The following ACACA variants were observed in gnomAD, a reference collection of about 807,000 sequenced individuals.
ACACA encodes acetyl-CoA carboxylase 1.
ACACA carries 103 observed loss-of-function variants against 296.1 expected under a neutral mutation model. The observed-to-expected ratio is 0.35, with a 90% CI of 0.30 to 0.41. The LOEUF (loss-of-function observed/expected upper bound fraction) is 0.41, where lower values mean the gene tolerates loss of function less well. ACACA is among the 10% of genes least tolerant of loss of function. The probability of loss-of-function intolerance (pLI) is 1.00; values close to 1 mark genes in which losing one functional copy is unlikely to be tolerated. For synonymous variants in ACACA, 953 were observed against 1,038.6 expected, an observed-to-expected ratio of 0.92 and a Z score of 1.58; for missense variants, 1,554 against 2,989.7, an observed-to-expected ratio of 0.52 and a Z score of 11.20.
At chr17:37,187,380 C>T (rs544564887) in intron 39 of ACACA, among the ~76,000 whole-genome samples, 17 of 152,166 alleles carry the variant, frequency 1.1e-4, no homozygotes, top group Non-Finnish European at 1.6e-4. Context: ...ACCCAAAGCA[C>T]GGAATAGACT....
At chr17:37,249,352 C>CA (rs1266651988) in intron 16 of ACACA, among the ~76,000 whole-genome samples, 3 of 152,184 alleles carry the variant, frequency 2.0e-5, no homozygotes, top group Admixed American at 1.3e-4. Context: ...ACCCTGCTTT[C>CA]AATTCTTTCA....
chr17:37,184,841 C>T (rs570874268), intron 39 of ACACA, among the ~76,000 whole-genome samples: 17 of 129,320 alleles, frequency 1.3e-4, no homozygotes, highest in East Asian at 1.3e-3. Flanking sequence ...ATAGTGAGAC[C>T]CTGTCTCAAA....
At position 37,327,650 on chromosome 17, in the gene ACACA, A is replaced by G. The variant is rs118147769; in HGVS notation, c.338+2523T>C. ...TTTCTTATAACACATTTATCTCACC[A>G]TAGCCAAACTCAGTTTCCTAATCCA... On this transcript the variant is annotated intron_variant, in intron 3 of 55. Transcript: ENST00000616317. Among the ~76,000 whole-genome samples, 23 of 152,366 alleles carry G rather than the reference A, an allele frequency of 1.5e-4. No homozygotes were observed. In the East Asian group the frequency reaches 4.0e-3, roughly 27 times the overall value.
intron 3 of ACACA, among the ~76,000 whole-genome samples, chr17:37,321,770 T>A (rs961265634): frequency 1.4e-5 from 2 of 147,468 alleles, no homozygotes; most frequent in Admixed American, 6.8e-5. Context: ...AAATAAATAA[T>A]TAAAAAAAAA....
chr17:37,240,412 T>C, intron 24 of ACACA, 64 bp downstream of exon 24: 1 of 1,409,670 alleles, frequency 7.1e-7, no homozygotes. Flanking sequence ...CCTATAGGGA[T>C]AGTTTGGGTT....
intron 1 of ACACA, among the ~76,000 whole-genome samples, chr17:37,398,106 T>C (rs1035422654): frequency 6.6e-6 from 1 of 150,716 alleles, no homozygotes; most frequent in Non-Finnish European, 1.5e-5. Flanking sequence ...GGCGCGCGCC[T>C]GTACTCCCAG....
intron 1 of ACACA, among the ~76,000 whole-genome samples, chr17:37,354,481 A>T (rs563841374): frequency 6.6e-6 from 1 of 152,246 alleles, no homozygotes; most frequent in Admixed American, 6.5e-5. Flanking sequence ...AGCTAAACTC[A>T]TAAGAATTAA....
chr17:37,300,616 T>C (rs761393690), intron 3 of ACACA, among the ~76,000 whole-genome samples: 24 of 152,062 alleles, frequency 1.6e-4, no homozygotes, highest in Non-Finnish European at 2.5e-4. Context: ...ACCTGGAGCA[T>C]AGATAGAAGT....
intron 41 of ACACA, among the ~76,000 whole-genome samples, chr17:37,174,008 ATATATATATATATTTTT>A (rs1393782141): frequency 3.2e-4 from 4 of 12,490 alleles, no homozygotes; most frequent in Non-Finnish European, 5.0e-4. Context: ...ATATATATAT[ATATATATATATATTTTT>A]TTTTTTTTTT....
intron 29 of ACACA, among the ~76,000 whole-genome samples, chr17:37,217,973 A>C (rs2079107091): frequency 6.6e-6 from 1 of 151,988 alleles, no homozygotes; most frequent in Non-Finnish European, 1.5e-5. Flanking sequence ...TATATTGATA[A>C]GTAAAATATG....
rs145857279 is a variant in ACACA at position 37,338,742 on chromosome 17, C to G, written c.85+1062G>C. Among the ~76,000 whole-genome samples the G allele has an allele frequency of 8.1e-3, 1,236 of 152,158 alleles. 13 individuals are homozygous for G. Among genetic ancestry groups the G allele is most frequent in the African/African-American group, 0.028 (1,182 of 41,516 alleles). ...TCACCTGAGATCAGGAGTTCAAGAC[C>G]AGCCTGGCCAACATGGTGAAACCCC... On this transcript the variant is annotated intron_variant, in intron 2 of 55. Transcript: ENST00000616317.
chr17:37,090,018 G>C (rs562609604), intron 54 of ACACA, among the ~76,000 whole-genome samples: 14 of 152,192 alleles, frequency 9.2e-5, no homozygotes, highest in Non-Finnish European at 1.6e-4. Flanking sequence ...CACTAACGAA[G>C]TCAAAGTCAG....
intron 15 of ACACA, 80 bp from the exon 16 acceptor site, chr17:37,252,188 T>C (rs1426164910): frequency 1.7e-6 from 2 of 1,156,796 alleles, no homozygotes; most frequent in South Asian, 1.2e-5. Context: ...AGGCTCAAAT[T>C]TGTTGTGATG....
intron 5 of ACACA, among the ~76,000 whole-genome samples, chr17:37,281,990 A>G (rs1453911069): frequency 6.6e-6 from 1 of 152,210 alleles, no homozygotes; most frequent in Non-Finnish European, 1.5e-5. Flanking sequence ...TGTGGCTCAG[A>G]GATGTGAAAG....
chr17:37,098,778 G>A (rs1006143286), intron 52 of ACACA, among the ~76,000 whole-genome samples: 1 of 152,218 alleles, frequency 6.6e-6, no homozygotes, highest in Non-Finnish European at 1.5e-5. Flanking sequence ...ACTGCGCACG[G>A]TACCCTGACT....
rs140490381 is a variant in ACACA, at chr17:37,379,302, G to A, written c.38+26960C>T. Reference sequence around the variant, plus strand: ...AACCTGAGAATCATTGCTGCTCCCCGCAGAAACAGCTCTGCCTCCTCAAGC... The same window carrying A: ...AACCTGAGAATCATTGCTGCTCCCCACAGAAACAGCTCTGCCTCCTCAAGC... On this transcript the variant is annotated intron_variant, in intron 1 of 55. Transcript: ENST00000616317. 1,883 of 1,613,890 alleles carry A rather than the reference G, an allele frequency of 1.2e-3. 3 individuals are homozygous for A. Among genetic ancestry groups the A allele is most frequent in the Admixed American group, 1.9e-3 (116 of 60,002 alleles).
intron 9 of ACACA, 146 bp from the exon 10 acceptor site, chr17:37,271,007 A>G: frequency 1.5e-6 from 1 of 675,818 alleles, no homozygotes; most frequent in Non-Finnish European, 2.6e-6. Flanking sequence ...ACACTATGAA[A>G]AAATAAATAG....
intron 5 of ACACA, among the ~76,000 whole-genome samples, chr17:37,282,863 G>C (rs146144262): frequency 6.7e-6 from 1 of 148,768 alleles, no homozygotes; most frequent in Admixed American, 6.7e-5. Flanking sequence ...CTCAGGAAGA[G>C]AAAAAAAAAA....
intron 40 of ACACA, 60 bp downstream of exon 40, chr17:37,181,141 G>C: frequency 6.3e-7 from 1 of 1,593,442 alleles, no homozygotes. Flanking sequence ...GCATCTGATG[G>C]AAATTCAGGG....
Sources: allele counts gnomAD v4.1 joint callset (sites outside exome capture counted in the v4.1 genomes callset), GRCh38; gene constraint gnomAD v4.1.1; transcripts MANE v1.5; gene names NCBI Gene and HGNC (gene_info 2026-07-23, HGNC 2026-07-21).